The following TG variants were observed in gnomAD, a reference collection of about 807,000 sequenced individuals.
TG encodes thyroid hormones.
TG carries 270 observed loss-of-function variants against 324.7 expected under a neutral mutation model. That is an observed-to-expected ratio of 0.83 (90% CI 0.75 to 0.92). The LOEUF (loss-of-function observed/expected upper bound fraction) is 0.92. Among genes scored for constraint, TG ranks in the 40% least tolerant of loss-of-function variants. The probability of loss-of-function intolerance (pLI) is 0.00; values close to 1 mark genes in which losing one functional copy is unlikely to be tolerated. For synonymous variants in TG, 1,401 were observed against 1,327.0 expected, an observed-to-expected ratio of 1.06 and a Z score of -1.21; for missense variants, 3,591 against 3,456.4, an observed-to-expected ratio of 1.04 and a Z score of -0.98.
chr8:133,082,767 T>A (rs1845949176), intron 41 of TG, among the ~76,000 whole-genome samples: 1 of 152,250 alleles, frequency 6.6e-6, no homozygotes, highest in Non-Finnish European at 1.5e-5. Context: ...TGACTTTTAT[T>A]ACAGTTTCCT....
At chr8:132,982,466 G>T (rs900577744) in intron 34 of TG, among the ~76,000 whole-genome samples, 2 of 152,176 alleles carry the variant, frequency 1.3e-5, no homozygotes, top group African/African-American at 2.4e-5. Context: ...GGGTATGAAT[G>T]GTTCTTCATT....
intron 41 of TG, among the ~76,000 whole-genome samples, chr8:133,071,501 T>G (rs527665212): frequency 6.6e-6 from 1 of 152,196 alleles, no homozygotes; most frequent in Non-Finnish European, 1.5e-5. Flanking sequence ...TCATAGTTAT[T>G]CAGTAGGTGG....
At chr8:133,126,084 A>G (rs1851495209) in intron 45 of TG, among the ~76,000 whole-genome samples, 1 of 152,316 alleles carries the variant, frequency 6.6e-6, no homozygotes, top group South Asian at 2.1e-4. Context: ...AAAATGAGTA[A>G]GATAGGTGTG....
At position 133,029,875 on chromosome 8, in the gene TG, C is replaced by T. The variant is rs761682079; in HGVS notation, c.7091C>T (p.Thr2364Ile). ...WGLLDQVAALTWVQTHIRGFG... is the reference protein window; with the variant it reads ...WGLLDQVAALIWVQTHIRGFG... ...CTGCTGGACCAGGTGGCGGCTCTGA[C>T]CTGGGTGCAGACCCACATCCGAGGA... The change falls in exon 41 of 48, where the codon ACC becomes ATC. Residue 2364 changes from threonine to isoleucine, a missense_variant. Physicochemically the swap from Thr to Ile is moderately conservative, Grantham distance 89. Coordinates refer to ENST00000220616, the MANE Select transcript of TG (RefSeq NM_003235.5). The T allele has an allele frequency of 5.0e-6, 8 of 1,614,226 alleles. No individual in the cohort carries two copies. In the South Asian group the frequency reaches 7.7e-5, roughly 16 times the overall value.
At chr8:133,014,639 C>T (rs1834855774) in intron 37 of TG, among the ~76,000 whole-genome samples, 1 of 152,182 alleles carries the variant, frequency 6.6e-6, no homozygotes, top group Admixed American at 6.5e-5. Context: ...TCCAATAAAA[C>T]TTTATTTACA....
intron 37 of TG, among the ~76,000 whole-genome samples, chr8:133,017,246 A>G (rs1835118566): frequency 6.6e-6 from 1 of 151,806 alleles, no homozygotes; most frequent in African/African-American, 2.4e-5. Context: ...TGAAACCCAA[A>G]AGTCCTAAAA....
chr8:132,887,315 G>C lies in TG; in HGVS notation c.1943G>C (p.Gly648Ala). The C allele has an allele frequency of 1.2e-6, 2 of 1,608,210 alleles. No individual in the cohort carries two copies. Among genetic ancestry groups the C allele is most frequent in the Non-Finnish European group, 8.5e-7 (1 of 1,175,528 alleles). Residue 648 changes from glycine to alanine, a missense_variant, in exon 9 of 48, where the codon GGC becomes GCC. By Grantham distance (60) the Gly-to-Ala change is moderately conservative. Transcript: ENST00000220616. ...AATTCCTGGGGCAAAGAGCTTCCAG[G>C]CTCAAGAGTCAGAGGTGGACAGCCA... Reference protein sequence around the residue: ...CVNSWGKELPGSRVRGGQPRC... With the variant: ...CVNSWGKELPASRVRGGQPRC...
At chr8:132,943,541 C>G (rs529320509) in intron 26 of TG, among the ~76,000 whole-genome samples, 9 of 152,316 alleles carry the variant, frequency 5.9e-5, no homozygotes, top group South Asian at 2.1e-4. Flanking sequence ...CTGCTCTCCA[C>G]CTGTCACCAG....
At chr8:132,902,442 G>A (rs924561479) in intron 16 of TG, among the ~76,000 whole-genome samples, 4 of 152,084 alleles carry the variant, frequency 2.6e-5, no homozygotes, top group African/African-American at 7.2e-5. Context: ...CTCTCATTGC[G>A]GGGGTTGCTT....
chr8:133,042,678 CTTTTTTTTTTTTTTTT>C (rs58739514), intron 41 of TG, among the ~76,000 whole-genome samples: 16 of 56,768 alleles, frequency 2.8e-4, no homozygotes, highest in South Asian at 6.0e-4. Context: ...CATTCTGTGT[CTTTTTTTTTTTTTTTT>C]TTTTTTTTTT....
intron 5 of TG, among the ~76,000 whole-genome samples, chr8:132,873,891 C>T (rs1406547120): frequency 2.6e-5 from 4 of 152,120 alleles, no homozygotes; most frequent in African/African-American, 4.8e-5. Context: ...AGGCAGAAGG[C>T]CGGGCGCAGT....
chr8:133,071,922 C>T (rs17701982), intron 41 of TG, among the ~76,000 whole-genome samples: 41,988 of 152,014 alleles, frequency 0.28, 5,866 homozygotes, highest in South Asian at 0.31. Context: ...GTGTCTGGCA[C>T]ATAATGCAAG....
chr8:132,893,787 G>T lies in TG; in HGVS notation c.2859G>T (p.Leu953=), dbSNP rs114356482. Residue 953 remains leucine, a synonymous_variant, in exon 11 of 48, where the codon CTG becomes CTT. Transcript: ENST00000220616. ...CTTCCAACAGTTCTCGGTTCCCTCT[G>T]GGGGAGAGTTTCCTGGTGGCCAAGG... The part of the protein sequence containing the change: ...VSASNSSRFP[L]GESFLVAKGI... The T allele has an allele frequency of 1.2e-6, 2 of 1,613,872 alleles. No homozygotes were observed. The highest frequency in any genetic ancestry group is 1.3e-5 in the African/African-American group (1 of 74,854).
Position 132,923,381 on chromosome 8 carries a change from C to T in TG, c.4572C>T (p.Asp1524=). Reference sequence around the variant, plus strand: ...GGAACGAAGCAGGCCTGCAATGTGACCAGAATGGCCAGTATCGAGCCAGCC... The same window carrying T: ...GGAACGAAGCAGGCCTGCAATGTGATCAGAATGGCCAGTATCGAGCCAGCC... ...CQRNEAGLQC[D]QNGQYRASQK... The change falls in exon 22 of 48, where the codon GAC becomes GAT. Residue 1524 remains aspartate (D), a synonymous_variant. Transcript: ENST00000220616. The T allele has an allele frequency of 6.2e-7, 1 of 1,614,080 alleles. No homozygotes were observed. Among genetic ancestry groups the T allele is most frequent in the South Asian group, 1.1e-5 (1 of 91,074 alleles).
At chr8:133,013,128 TA>T in intron 36 of TG, among the ~76,000 whole-genome samples, 1 of 152,296 alleles carries the variant, frequency 6.6e-6, no homozygotes, top group African/African-American at 2.4e-5. Context: ...ATAAATTAAA[TA>T]AACAAAAAAG....
At chr8:132,922,107 G>A (rs1198083488) in intron 21 of TG, among the ~76,000 whole-genome samples, 1 of 152,190 alleles carries the variant, frequency 6.6e-6, no homozygotes, top group Non-Finnish European at 1.5e-5. Flanking sequence ...CTGTCCTCAA[G>A]GAGTTTAGAG....
At chr8:133,061,902 TAC>T (rs1842420117) in intron 41 of TG, among the ~76,000 whole-genome samples, 1 of 152,204 alleles carries the variant, frequency 6.6e-6, no homozygotes, top group Non-Finnish European at 1.5e-5. Flanking sequence ...GTGAGACTCC[TAC>T]TATATTAAGA....
chr8:133,088,266 C>T (rs1846933487), intron 41 of TG, among the ~76,000 whole-genome samples: 1 of 152,164 alleles, frequency 6.6e-6, no homozygotes, highest in Non-Finnish European at 1.5e-5. Context: ...GCTCCTCCTC[C>T]TCCTCCTCCT....
intron 44 of TG, 82 bp downstream of exon 44, chr8:133,113,685 A>C (rs922047043): frequency 2.0e-6 from 3 of 1,490,646 alleles, no homozygotes; most frequent in Non-Finnish European, 2.8e-6. Flanking sequence ...CATGAATGAG[A>C]AATAAAGGCA....
Sources: allele counts gnomAD v4.1 joint callset (sites outside exome capture counted in the v4.1 genomes callset), GRCh38; gene constraint gnomAD v4.1.1; transcripts MANE v1.5; gene names NCBI Gene and HGNC (gene_info 2026-07-23, HGNC 2026-07-21).